Variants in SGCE observed in about 807,000 individuals in gnomAD.
SGCE encodes the protein epsilon-sarcoglycan.
In SGCE, 26 loss-of-function variants were observed where a neutral mutation model predicts 57.8. The ratio of observed to expected loss-of-function variants is 0.45; its 90% CI spans 0.33 to 0.62. The LOEUF (loss-of-function observed/expected upper bound fraction) is 0.62. SGCE is among the 20% of genes least tolerant of loss of function. The probability of loss-of-function intolerance (pLI) is 0.02; values close to 1 mark genes in which losing one functional copy is unlikely to be tolerated. For missense variants in SGCE, 468 were observed against 548.6 expected, an observed-to-expected ratio of 0.85 and a Z score of 1.47; for synonymous variants, 183 against 189.5, an observed-to-expected ratio of 0.97 and a Z score of 0.28.
intron 5 of SGCE, among the ~76,000 whole-genome samples, chr7:94,604,413 T>TACAC (rs139796978): frequency 0.082 from 12,149 of 148,518 alleles, 528 homozygotes; most frequent in East Asian, 0.16. Flanking sequence ...AGAATAGCCA[T>TACAC]ACACACACAC....
At chr7:94,638,105 G>C (rs183836756) in intron 1 of SGCE, among the ~76,000 whole-genome samples, 1 of 152,322 alleles carries the variant, frequency 6.6e-6, no homozygotes, top group East Asian at 1.9e-4. Flanking sequence ...TAAAGAGAAT[G>C]TGGGGAAAAG....
chr7:94,644,724 C>T (rs1444404527), intron 1 of SGCE: 9 of 781,042 alleles, frequency 1.2e-5, no homozygotes, highest in Middle Eastern at 2.7e-4. Flanking sequence ...CTCACGTGTC[C>T]GGCATCCCTT....
At chr7:94,587,416 G>C (rs1358706003) in intron 10 of SGCE, 1 of 1,140,780 alleles carries the variant, frequency 8.8e-7, no homozygotes, top group African/African-American at 1.6e-5. Context: ...AAATAATTAA[G>C]AATCAGAAGA....
intron 1 of SGCE, among the ~76,000 whole-genome samples, chr7:94,652,739 G>T (rs369394654): frequency 6.6e-6 from 1 of 152,226 alleles, no homozygotes; most frequent in East Asian, 1.9e-4. Context: ...TGTAAAAATG[G>T]ATAAAATGTT....
chr7:94,654,545 AG>A (rs1808325763), intron 1 of SGCE, among the ~76,000 whole-genome samples: 2 of 152,354 alleles, frequency 1.3e-5, no homozygotes, highest in South Asian at 2.1e-4. Context: ...ACTTCTAAAA[AG>A]TATAATTGTG....
chr7:94,619,114 G>A (rs1257151023), intron 4 of SGCE, 158 bp from the exon 5 acceptor site: 3 of 642,398 alleles, frequency 4.7e-6, no homozygotes, highest in Non-Finnish European at 8.3e-6. Flanking sequence ...AACAGAGGAT[G>A]TATCTAAAAA....
chr7:94,618,565 C>T, intron 5 of SGCE, 193 bp downstream of exon 5: 1 of 562,808 alleles, frequency 1.8e-6, no homozygotes, highest in Non-Finnish European at 3.1e-6. Context: ...AGACCAGGAA[C>T]TTGAGATATA....
chr7:94,635,364 A>G (rs1358735439), intron 1 of SGCE, among the ~76,000 whole-genome samples: 1 of 152,246 alleles, frequency 6.6e-6, no homozygotes, highest in Non-Finnish European at 1.5e-5. Flanking sequence ...GGATACAAAG[A>G]GAGTACTAAA....
chr7:94,602,197 C>T (rs1346593760), intron 6 of SGCE, among the ~76,000 whole-genome samples: 1 of 152,086 alleles, frequency 6.6e-6, no homozygotes, highest in African/African-American at 2.4e-5. Context: ...CAGTCTCCTG[C>T]ACCCTTGTAT....
intron 3 of SGCE, chr7:94,626,882 A>AT (rs1047317648): frequency 6.6e-6 from 1 of 151,936 alleles, no homozygotes; most frequent in Non-Finnish European, 1.5e-5. Flanking sequence ...GCCAAGAGCT[A>AT]TTTTTTCTTA....
intron 1 of SGCE, among the ~76,000 whole-genome samples, chr7:94,647,057 C>T (rs1807207925): frequency 6.6e-6 from 1 of 152,176 alleles, no homozygotes; most frequent in Non-Finnish European, 1.5e-5. Flanking sequence ...AATATGATCA[C>T]ATTTTTTCAC....
rs1803350993 is a variant in SGCE at position 94,624,297 on chromosome 7, T to C, written c.391-900A>G. ...AACTGACTTCAACTAAAAATAAATATCTTGTGCATTTTAAAACAAATATCA... is the reference window on the plus strand; with the variant it reads ...AACTGACTTCAACTAAAAATAAATACCTTGTGCATTTTAAAACAAATATCA... On this transcript the variant is annotated intron_variant, in intron 3 of 10. Coordinates refer to ENST00000648936, the MANE Select transcript of SGCE (RefSeq NM_003919.3). 2.0e-5 allele frequency: 8 copies of C among 397,728 alleles called. No individual in the cohort carries two copies. The South Asian group carries it at 6.4e-4, about 32-fold the overall frequency. 24.6% of individuals were successfully genotyped at this position (397,728 alleles called of 1,614,324 possible). A position where few individuals can be genotyped will look rare whatever the true frequency, so the allele number is the denominator to read the frequency against.
chr7:94,587,706 T>C (rs1797087018), intron 10 of SGCE: 2 of 1,533,930 alleles, frequency 1.3e-6, no homozygotes, highest in African/African-American at 1.4e-5. Flanking sequence ...AAGCAAGTAA[T>C]CAAAATTGTA....
chr7:94,645,785 T>C (rs1378809444), intron 1 of SGCE, among the ~76,000 whole-genome samples: 2 of 152,196 alleles, frequency 1.3e-5, no homozygotes, highest in Non-Finnish European at 2.9e-5. Context: ...ATGCCTAGCA[T>C]ATAATGATGT....
chr7:94,630,770 T>A (rs1804572547), intron 1 of SGCE, among the ~76,000 whole-genome samples: 1 of 151,944 alleles, frequency 6.6e-6, no homozygotes, highest in African/African-American at 2.4e-5. Context: ...AGATAAACCC[T>A]ATCAGGCCAG....
intron 9 of SGCE, among the ~76,000 whole-genome samples, chr7:94,596,607 A>G (rs1022836308): frequency 6.6e-6 from 1 of 152,090 alleles, no homozygotes; most frequent in African/African-American, 2.4e-5. Flanking sequence ...ACAGAGAAAT[A>G]AAACCTTTAC....
intron 3 of SGCE, chr7:94,624,823 T>G (rs1803431999): frequency 1.3e-5 from 2 of 152,064 alleles, no homozygotes; most frequent in Admixed American, 1.3e-4. Context: ...AGCCTTCCCT[T>G]AATCATCACA....
At chr7:94,585,562 G>A (rs771224364) in intron 10 of SGCE, 47 bp from the exon 11 acceptor site, 16 of 1,310,812 alleles carry the variant, frequency 1.2e-5, no homozygotes, top group Non-Finnish European at 1.7e-5. Flanking sequence ...TCAGGGCATG[G>A]ATACTTTTAG....
chr7:94,625,724 G>A (rs1353815084), intron 3 of SGCE: 4 of 152,070 alleles, frequency 2.6e-5, no homozygotes, highest in Middle Eastern at 3.4e-3. Context: ...GCAAGCTTAA[G>A]TTCACTATTG....
Sources: allele counts gnomAD v4.1 joint callset (sites outside exome capture counted in the v4.1 genomes callset), GRCh38; gene constraint gnomAD v4.1.1; transcripts MANE v1.5; gene names NCBI Gene and HGNC (gene_info 2026-07-23, HGNC 2026-07-21).